SLC36A2: variants seen among roughly 807,000 people sequenced by gnomAD.
SLC36A2 encodes proton-coupled amino acid transporter 2.
Under a neutral mutation model 42.7 loss-of-function variants are expected in SLC36A2, and 39 were observed. The ratio of observed to expected loss-of-function variants is 0.91; its 90% CI spans 0.71 to 1.19. SLC36A2 has a LOEUF of 1.19. SLC36A2 is among the 50% of genes most tolerant of loss of function. The probability of loss-of-function intolerance (pLI) is 0.00; values close to 1 mark genes in which losing one functional copy is unlikely to be tolerated. For missense variants in SLC36A2, 590 were observed against 613.7 expected (o/e 0.96, Z 0.41); for synonymous variants, 237 against 240.8 (o/e 0.98, Z 0.15).
chr5:151,318,329 T>C (rs980033572), intron 9 of SLC36A2, among the ~76,000 whole-genome samples: 1 of 151,326 alleles, frequency 6.6e-6, no homozygotes, highest in African/African-American at 2.4e-5. Flanking sequence ...GTACAAACTG[T>C]CAATGTTTGT....
chr5:151,335,479 G>C lies in SLC36A2; in HGVS notation c.594C>G (p.Thr198=). Residue 198 remains threonine (T), a synonymous_variant, in exon 6 of 10, where the codon ACC becomes ACG. Coordinates refer to ENST00000335244, the MANE Select transcript of SLC36A2 (RefSeq NM_181776.3). ...AGAGCATGTAGAGTCGCGAGTCCAT[G>C]GTGGGGGTCAGAATCACCGTCTCAT... The part of the protein sequence containing the change: ...YSNETVILTP[T]MDSRLYMLSF... The C allele has an allele frequency of 6.2e-7, 1 of 1,614,130 alleles. No individual in the cohort carries two copies. The highest frequency in any genetic ancestry group is 8.5e-7 in the Non-Finnish European group (1 of 1,180,010).
At chr5:151,327,330 G>A (rs1755880779) in intron 7 of SLC36A2, among the ~76,000 whole-genome samples, 1 of 152,174 alleles carries the variant, frequency 6.6e-6, no homozygotes, top group Admixed American at 6.5e-5. Flanking sequence ...TCAGATTCAG[G>A]TTGTAGACCA....
At chr5:151,341,776 G>A (rs140401504) in intron 4 of SLC36A2, among the ~76,000 whole-genome samples, 1,771 of 152,238 alleles carry the variant, frequency 0.012, 24 homozygotes, top group Non-Finnish European at 0.016. Context: ...GGTGCATGAA[G>A]ATAGGCTTAA....
intron 8 of SLC36A2, among the ~76,000 whole-genome samples, chr5:151,324,389 A>G (rs1755793687): frequency 1.3e-5 from 2 of 151,172 alleles, no homozygotes; most frequent in South Asian, 2.1e-4. Context: ...CTGGAGTTCA[A>G]TGGCACCATC....
At chr5:151,337,391 G>T (rs965254899) in intron 5 of SLC36A2, among the ~76,000 whole-genome samples, 3 of 152,092 alleles carry the variant, frequency 2.0e-5, no homozygotes, top group African/African-American at 7.2e-5. Flanking sequence ...CTGACCTCAC[G>T]TTGTTGTTGT....
chr5:151,331,536 C>T (rs1755996177), intron 7 of SLC36A2, among the ~76,000 whole-genome samples: 1 of 151,748 alleles, frequency 6.6e-6, no homozygotes, highest in South Asian at 2.1e-4. Flanking sequence ...CCAGGCTGGT[C>T]TCAAACTCCT....
chr5:151,321,572 G>T (rs952173107), intron 9 of SLC36A2, among the ~76,000 whole-genome samples: 1 of 152,066 alleles, frequency 6.6e-6, no homozygotes, highest in African/African-American at 2.4e-5. Context: ...GTAAGAATGG[G>T]GTTGTTTAGA....
chr5:151,338,901 T>G lies in SLC36A2; in HGVS notation c.525+159A>C, dbSNP rs9324691. Reference sequence around the variant, plus strand: ...GGCAAAAGTAACCACACAGAGATCTTCAGATATGTGAACTAGGGGAGGCAA... The same window carrying G: ...GGCAAAAGTAACCACACAGAGATCTGCAGATATGTGAACTAGGGGAGGCAA... On this transcript the variant is annotated intron_variant, in intron 5 of 9. Coordinates refer to ENST00000335244, the MANE Select transcript of SLC36A2 (RefSeq NM_181776.3). 56,710 of 626,140 alleles carry G rather than the reference T, an allele frequency of 0.091. 10,817 individuals carry two copies. Among genetic ancestry groups the G allele is most frequent in the African/African-American group, 0.6 (33,180 of 55,058 alleles). 38.8% of individuals were successfully genotyped at this position (626,140 alleles called of 1,614,324 possible).
chr5:151,347,361 C>T lies in SLC36A2; in HGVS notation c.100G>A (p.Asp34Asn). The change falls in exon 1 of 10, where the codon GAC becomes AAC. Residue 34 changes from aspartate to asparagine, a missense_variant. Coordinates refer to ENST00000335244, the MANE Select transcript of SLC36A2 (RefSeq NM_181776.3). ...PESAKKLENK[D>N]STFLDESPSE... ...GGACTTTCATCCAAGAATGTAGAGT[C>T]CTTGTTCTCCAACTTCTTGGCACTT... 6.2e-7 allele frequency: 1 copy of T among 1,614,206 alleles called. No homozygotes were observed. The highest frequency in any genetic ancestry group is 8.5e-7 in the Non-Finnish European group (1 of 1,180,032).
chr5:151,330,812 A>T (rs377694595), intron 7 of SLC36A2, among the ~76,000 whole-genome samples: 43 of 152,342 alleles, frequency 2.8e-4, no homozygotes, highest in African/African-American at 1.0e-3. Context: ...TTTACTAGCA[A>T]TGATAAAATA....
chr5:151,347,158 C>T, intron 1 of SLC36A2, 139 bp downstream of exon 1: 1 of 1,011,702 alleles, frequency 9.9e-7, no homozygotes, highest in South Asian at 1.3e-5. Flanking sequence ...CTTGACTCAG[C>T]CCATGACTGC....
At chr5:151,344,094 A>G (rs989968424) in intron 2 of SLC36A2, 83 bp downstream of exon 2, 3 of 1,259,046 alleles carry the variant, frequency 2.4e-6, no homozygotes, top group African/African-American at 1.5e-5. Flanking sequence ...TGCTCACCAC[A>G]GGTTGCTAAA....
chr5:151,317,239 G>T, intron 9 of SLC36A2, 151 bp from the exon 10 acceptor site: 2 of 1,001,334 alleles, frequency 2.0e-6, no homozygotes, highest in Non-Finnish European at 3.0e-6. Flanking sequence ...ATCACTGAAG[G>T]TTGGGAGTTC....
chr5:151,324,521 G>A (rs1163375502), intron 8 of SLC36A2, among the ~76,000 whole-genome samples: 1 of 152,046 alleles, frequency 6.6e-6, no homozygotes, highest in Admixed American at 6.6e-5. Context: ...TAGTAGAGAC[G>A]AGGTTTTGCC....
intron 4 of SLC36A2, among the ~76,000 whole-genome samples, chr5:151,342,187 G>A (rs774637651): frequency 1.6e-4 from 25 of 152,182 alleles, no homozygotes; most frequent in Non-Finnish European, 2.5e-4. Flanking sequence ...GGTCTAAAAT[G>A]TACCACTTGA....
chr5:151,326,070 T>G (rs2127289038), intron 7 of SLC36A2, among the ~76,000 whole-genome samples: 1 of 151,824 alleles, frequency 6.6e-6, no homozygotes, highest in South Asian at 2.1e-4. Flanking sequence ...GGAAAAAAGG[T>G]AGGAAGATGA....
intron 5 of SLC36A2, among the ~76,000 whole-genome samples, chr5:151,337,333 G>A (rs1025928965): frequency 1.3e-5 from 2 of 152,088 alleles, no homozygotes; most frequent in East Asian, 1.9e-4. Context: ...ACCACCCCCC[G>A]GAGGAGGCTT....
chr5:151,321,681 CTT>C lies in SLC36A2; in HGVS notation c.1180+363_1180+364del, dbSNP rs56323943. On this transcript the variant is annotated intron_variant, in intron 9 of 9. Coordinates refer to ENST00000335244, the MANE Select transcript of SLC36A2 (RefSeq NM_181776.3). ...ACTGCCCTCTACCATCTGACTGATTCTTTTTTTTTTTTTTTTGAGATGAATCT... is the reference window on the plus strand; with the variant it reads ...ACTGCCCTCTACCATCTGACTGATTCTTTTTTTTTTTTTTGAGATGAATCT... 5.0e-3 allele frequency among the ~76,000 whole-genome samples: 677 copies of C among 134,952 alleles called. 5 individuals are homozygous for C. The highest frequency in any genetic ancestry group is 0.012 in the African/African-American group (442 of 36,578). 88.5% of individuals were successfully genotyped at this position (134,952 alleles called of 152,430 possible). A position where few individuals can be genotyped will look rare whatever the true frequency, so the allele number is the denominator to read the frequency against.
intron 8 of SLC36A2, among the ~76,000 whole-genome samples, chr5:151,324,040 C>A (rs781066438): frequency 3.3e-4 from 50 of 152,214 alleles, no homozygotes; most frequent in Non-Finnish European, 6.3e-4. Context: ...TGCGTCTGTT[C>A]AATATGGCAC....
Sources: allele counts gnomAD v4.1 joint callset (sites outside exome capture counted in the v4.1 genomes callset), GRCh38; gene constraint gnomAD v4.1.1; transcripts MANE v1.5; gene names NCBI Gene and HGNC (gene_info 2026-07-23, HGNC 2026-07-21).